ATRN: variants seen among roughly 807,000 people sequenced by gnomAD.
The protein encoded by ATRN is attractin-2.
Under a neutral mutation model 178.7 loss-of-function variants are expected in ATRN, and 54 were observed. The ratio of observed to expected loss-of-function variants is 0.30; its 90% CI spans 0.24 to 0.38. ATRN has a LOEUF of 0.38. ATRN is among the 10% of genes least tolerant of loss of function. The pLI is 1.00. For missense variants in ATRN, 1,443 were observed against 1,815.1 expected (o/e 0.79, Z 3.73); for synonymous variants, 636 against 663.0 (o/e 0.96, Z 0.63).
chr20:3,580,768 A>G (rs1294648709), intron 15 of ATRN, among the ~76,000 whole-genome samples: 1 of 152,232 alleles, frequency 6.6e-6, no homozygotes, highest in Non-Finnish European at 1.5e-5. Context: ...GTTGAGCCTC[A>G]GGAAGGAACC....
intron 1 of ATRN, among the ~76,000 whole-genome samples, chr20:3,501,739 G>C (rs542153720): frequency 1.3e-5 from 2 of 152,300 alleles, no homozygotes; most frequent in South Asian, 2.1e-4. Context: ...CCCTTGGGGG[G>C]ACTGGCCGAT....
At chr20:3,606,690 A>G (rs2086681493) in intron 24 of ATRN, among the ~76,000 whole-genome samples, 1 of 152,234 alleles carries the variant, frequency 6.6e-6, no homozygotes. Flanking sequence ...GGATAAACCC[A>G]ACTTGAGCAT....
At chr20:3,496,659 G>A (rs533357311) in intron 1 of ATRN, among the ~76,000 whole-genome samples, 16 of 152,282 alleles carry the variant, frequency 1.1e-4, no homozygotes, top group African/African-American at 3.9e-4. Context: ...TTCTGTAGAT[G>A]TCTATTAGGT....
At chr20:3,634,257 TG>T in intron 25 of ATRN, 53 bp from the exon 26 acceptor site, 3 of 1,560,006 alleles carry the variant, frequency 1.9e-6, no homozygotes, top group Non-Finnish European at 2.6e-6. Context: ...TGGGCAACGG[TG>T]GGAGCTGATT....
chr20:3,536,941 C>T (rs1365540249), intron 2 of ATRN, among the ~76,000 whole-genome samples: 1 of 152,142 alleles, frequency 6.6e-6, no homozygotes, highest in Non-Finnish European at 1.5e-5. Flanking sequence ...GAATCTGAAA[C>T]TATGTTAAGG....
chr20:3,594,377 A>G (rs758940122), intron 19 of ATRN, 102 bp from the exon 20 acceptor site: 4 of 809,236 alleles, frequency 4.9e-6, no homozygotes, highest in East Asian at 2.8e-5. Flanking sequence ...TGTCTTTCCT[A>G]CTGAACTCAA....
intron 1 of ATRN, among the ~76,000 whole-genome samples, chr20:3,533,524 T>C (rs1304321257): frequency 6.6e-6 from 1 of 152,218 alleles, no homozygotes; most frequent in Non-Finnish European, 1.5e-5. Context: ...CCCCCCGTTT[T>C]CTTTTCCTCC....
At chr20:3,563,733 A>G (rs2085988927) in intron 10 of ATRN, among the ~76,000 whole-genome samples, 1 of 152,174 alleles carries the variant, frequency 6.6e-6, no homozygotes. Context: ...CTGGTTTCTC[A>G]CATGGTCTTG....
intron 1 of ATRN, among the ~76,000 whole-genome samples, chr20:3,521,441 G>C (rs556734114): frequency 2.6e-5 from 4 of 152,102 alleles, no homozygotes; most frequent in African/African-American, 7.2e-5. Context: ...TCTTCAAGAA[G>C]ACAGAACAGT....
chr20:3,560,156 C>T (rs558834750), intron 7 of ATRN, among the ~76,000 whole-genome samples: 9 of 152,044 alleles, frequency 5.9e-5, no homozygotes, highest in Non-Finnish European at 1.2e-4. Context: ...TCTCCCCCAC[C>T]AGCCTGCCAG....
intron 1 of ATRN, among the ~76,000 whole-genome samples, chr20:3,499,493 T>C (rs1163351416): frequency 5.3e-5 from 8 of 150,384 alleles, no homozygotes; most frequent in Admixed American, 6.6e-5. Flanking sequence ...GAGATATAGA[T>C]CAATGGAACA....
intron 25 of ATRN, among the ~76,000 whole-genome samples, chr20:3,630,626 A>C (rs2595587): frequency 0.45 from 67,792 of 151,982 alleles, 16,115 homozygotes; most frequent in African/African-American, 0.61. Flanking sequence ...GGCCACTTCT[A>C]CTGGACATTC....
At chr20:3,486,380 TTTTCC>T (rs11467665) in intron 1 of ATRN, among the ~76,000 whole-genome samples, 34,310 of 151,776 alleles carry the variant, frequency 0.23, 4,372 homozygotes, top group African/African-American at 0.32. Flanking sequence ...GTTGTTTTTC[TTTTCC>T]TTTTTCTTTT....
intron 24 of ATRN, among the ~76,000 whole-genome samples, chr20:3,617,895 CAG>C (rs971825482): frequency 5.9e-5 from 9 of 152,212 alleles, no homozygotes; most frequent in African/African-American, 2.2e-4. Context: ...ACTCAGGGGT[CAG>C]GGGCAAAACT....
At chr20:3,575,429 C>T (rs943426566) in intron 12 of ATRN, among the ~76,000 whole-genome samples, 2 of 152,182 alleles carry the variant, frequency 1.3e-5, no homozygotes, top group African/African-American at 4.8e-5. Flanking sequence ...CCAAATTAGC[C>T]TTGCGTTTAT....
intron 24 of ATRN, among the ~76,000 whole-genome samples, chr20:3,606,460 G>T (rs1295531091): frequency 9.4e-6 from 1 of 106,386 alleles, no homozygotes; most frequent in Non-Finnish European, 2.5e-5. Flanking sequence ...TGTGGGACTT[G>T]TGGTGCCACA....
intron 24 of ATRN, among the ~76,000 whole-genome samples, chr20:3,615,015 G>A (rs1381097633): frequency 1.3e-5 from 2 of 151,800 alleles, no homozygotes; most frequent in South Asian, 2.1e-4. Flanking sequence ...TTTTTCTATC[G>A]ATGGATGCTT....
intron 1 of ATRN, among the ~76,000 whole-genome samples, chr20:3,507,830 G>A (rs1441776868): frequency 2.0e-5 from 3 of 150,996 alleles, no homozygotes; most frequent in Non-Finnish European, 4.4e-5. Flanking sequence ...GACTACAGGC[G>A]CGCCACCACG....
intron 15 of ATRN, among the ~76,000 whole-genome samples, chr20:3,580,666 T>C (rs557671274): frequency 1.9e-3 from 295 of 152,162 alleles, no homozygotes; most frequent in Non-Finnish European, 3.7e-3. Flanking sequence ...CTGTGAGATG[T>C]AGAGGGAGAT....
Sources: gnomAD v4.1 joint callset for allele counts (sites outside exome capture counted in the v4.1 genomes callset) on GRCh38, gnomAD v4.1.1 for gene constraint, MANE v1.5 for transcripts, NCBI Gene and HGNC (gene_info 2026-07-23, HGNC 2026-07-21) for gene names.